Variants in NR5A1 observed in about 807,000 individuals in gnomAD.
The protein encoded by NR5A1 is nuclear receptor subfamily 5 group A member 1, also known as steroidogenic factor 1.
Under a neutral mutation model 42.7 loss-of-function variants are expected in NR5A1, and 6 were observed. The ratio of observed to expected loss-of-function variants is 0.14; its 90% CI spans 0.08 to 0.28. The LOEUF (loss-of-function observed/expected upper bound fraction) is 0.28, where lower values mean the gene tolerates loss of function less well. Ranked by LOEUF, NR5A1 falls within the 10% of genes least tolerant of loss-of-function variation. The pLI, the probability that NR5A1 is intolerant of heterozygous loss-of-function variation, is 1.00. For missense variants in NR5A1, 442 were observed against 626.4 expected, an observed-to-expected ratio of 0.71 and a Z score of 3.14; for synonymous variants, 274 against 277.5, an observed-to-expected ratio of 0.99 and a Z score of 0.12.
At chr9:124,502,112 A>G (rs1161468500) in intron 3 of NR5A1, among the ~76,000 whole-genome samples, 1 of 151,934 alleles carries the variant, frequency 6.6e-6, no homozygotes, top group Non-Finnish European at 1.5e-5. Context: ...AGACAAGCAG[A>G]TGGGCAGCTG....
In NR5A1 at chr9:124,500,474, G is replaced by A. The variant is rs368743340; in HGVS notation, c.486C>T (p.Gly162=). Reference sequence around the variant, plus strand: ...TGGGCAGTGCTGGGGCCCCAAAGTCGCCCAGTGGCCCAGCAGGTGGACCGG... The same window carrying A: ...TGGGCAGTGCTGGGGCCCCAAAGTCACCCAGTGGCCCAGCAGGTGGACCGG... ...LAAGPPAGPL[G]DFGAPALPMA... Residue 162 remains glycine (G), a synonymous_variant, in exon 4 of 7, where the codon GGC becomes GGT. Coordinates refer to ENST00000373588, the MANE Select transcript of NR5A1 (RefSeq NM_004959.5). The surrounding 1 kb of genome is among the most constrained non-coding windows in gnomAD (Gnocchi z 6.9). 1.2e-4 allele frequency: 185 copies of A among 1,597,160 alleles called. No homozygotes were observed. Among genetic ancestry groups the A allele is most frequent in the Middle Eastern group, 1.7e-4 (1 of 6,044 alleles).
chr9:124,491,618 A>G (rs1316208468), intron 5 of NR5A1, among the ~76,000 whole-genome samples: 3 of 151,994 alleles, frequency 2.0e-5, no homozygotes, highest in Admixed American at 1.3e-4. Flanking sequence ...ACACATCCAC[A>G]TGGCTTCCCA....
intron 1 of NR5A1, among the ~76,000 whole-genome samples, chr9:124,506,573 G>A (rs549678034): frequency 3.3e-5 from 5 of 152,302 alleles, no homozygotes; most frequent in African/African-American, 1.2e-4. Flanking sequence ...CCTGGAGCTG[G>A]ACACACAGGC....
At chr9:124,489,084 G>A (rs1832264763) in intron 6 of NR5A1, among the ~76,000 whole-genome samples, 1 of 152,380 alleles carries the variant, frequency 6.6e-6, no homozygotes, top group East Asian at 1.9e-4. Flanking sequence ...CCCAGAGAAG[G>A]AGAAGTCCTG....
In NR5A1 at chr9:124,503,542, CCCACCG is replaced by C. The variant is rs1387864468; in HGVS notation, c.-15-138_-15-133del. Reference sequence around the variant, plus strand: ...CTGTGCCCAGGCGCTGCCGCCGGCACCCACCGAGCGCCCCGCGCAGCGTCCCGGGGT... The same window carrying C: ...CTGTGCCCAGGCGCTGCCGCCGGCACAGCGCCCCGCGCAGCGTCCCGGGGT... On this transcript the variant is annotated intron_variant, in intron 1 of 6. Coordinates refer to ENST00000373588, the MANE Select transcript of NR5A1 (RefSeq NM_004959.5). This position sits in a 1 kb window ranked among gnomAD's most constrained non-coding sequence, Gnocchi z 9.6. The C allele has an allele frequency of 1.5e-6, 1 of 664,924 alleles. No individual in the cohort carries two copies. Among genetic ancestry groups the C allele is most frequent in the African/African-American group, 2.0e-5 (1 of 50,940 alleles). The allele number at this position is 664,924 out of a possible 1,614,324, so 41.2% of individuals were successfully genotyped here. A position where few individuals can be genotyped will look rare whatever the true frequency, so the allele number is the denominator to read the frequency against.
chr9:124,491,039 C>CCCCAGGGG, intron 6 of NR5A1, 42 bp downstream of exon 6: 2 of 1,496,958 alleles, frequency 1.3e-6, no homozygotes, highest in Non-Finnish European at 1.8e-6. Context: ...ACCCACCCGC[C>CCCCAGGGG]TCTGGCTGTC....
Position 124,482,632 on chromosome 9 carries a change from A to C in NR5A1, c.*126T>G. On this transcript the variant is annotated 3_prime_UTR_variant, in exon 7 of 7. Coordinates refer to ENST00000373588, the MANE Select transcript of NR5A1 (RefSeq NM_004959.5). ...GAACTCAGGGGCAGCGGCCTCTGGG[A>C]CGGGGCTGGGGCTCCTCGGTGGGCA... The C allele has an allele frequency of 8.9e-7, 1 of 1,129,856 alleles. No homozygotes were observed. The highest frequency in any genetic ancestry group is 1.3e-6 in the Non-Finnish European group (1 of 787,650). The allele number at this position is 1,129,856 out of a possible 1,614,324, so 70.0% of individuals were successfully genotyped here.
Position 124,500,744 on chromosome 9 carries a change from A to T in NR5A1, c.245-29T>A, listed in dbSNP as rs1049171634. On this transcript the variant is annotated intron_variant, in intron 3 of 6. Transcript: ENST00000373588. The surrounding 1 kb of genome is among the most constrained non-coding windows in gnomAD (Gnocchi z 6.9). ...TGGGCAGGGGCAGAGGGTCAGACTC[A>T]CCCTCTCTAAGCCCCCTTCCATGCT... 4.3e-6 allele frequency: 7 copies of T among 1,611,736 alleles called. No individual in the cohort carries two copies. Among genetic ancestry groups the T allele is most frequent in the Non-Finnish European group, 5.9e-6 (7 of 1,179,976 alleles).
intron 6 of NR5A1, among the ~76,000 whole-genome samples, chr9:124,490,300 G>A (rs368882477): frequency 3.3e-5 from 5 of 152,310 alleles, no homozygotes; most frequent in South Asian, 2.1e-4. Context: ...GTCTTTTCAC[G>A]ATTGGCAAGG....
chr9:124,483,070 C>A, intron 6 of NR5A1, 65 bp from the exon 7 acceptor site: 1 of 1,607,392 alleles, frequency 6.2e-7, no homozygotes. Flanking sequence ...TGGGCCAACA[C>A]CGTCACCAGC....
chr9:124,499,358 AG>A (rs1297146425), intron 4 of NR5A1, among the ~76,000 whole-genome samples: 3 of 152,314 alleles, frequency 2.0e-5, no homozygotes, highest in African/African-American at 7.2e-5. Flanking sequence ...CATGCCATAG[AG>A]GAAGGCTGCC....
chr9:124,482,702 G>GGCCCCCCCCCCCC lies in NR5A1; in HGVS notation c.*55_*56insGGGGGGGGGGGGC. 1 of 389,634 alleles carries GGCCCCCCCCCCCC rather than the reference G, an allele frequency of 2.6e-6. No individual in the cohort carries two copies. The highest frequency in any genetic ancestry group is 5.1e-6 in the Non-Finnish European group (1 of 196,960). 24.1% of individuals were successfully genotyped at this position (389,634 alleles called of 1,614,324 possible). The stretch of plus-strand genomic sequence containing the variant: ...GAGCCAGCGGTGTGGCTGCGGCCCC[G>GGCCCCCCCCCCCC]CCCAGGCCCCGCCCCCAGTCCCGCC... On this transcript the variant is annotated 3_prime_UTR_variant, in exon 7 of 7. Transcript: ENST00000373588.
intron 6 of NR5A1, among the ~76,000 whole-genome samples, chr9:124,486,407 A>G (rs1234526654): frequency 6.6e-6 from 1 of 152,118 alleles, no homozygotes; most frequent in Non-Finnish European, 1.5e-5. Context: ...CCCTCAAGAC[A>G]CACAAGGTGC....
Position 124,482,636 on chromosome 9 carries a change from G to T in NR5A1, c.*122C>A. The T allele has an allele frequency of 8.5e-7, 1 of 1,182,850 alleles. No individual in the cohort carries two copies. The highest frequency in any genetic ancestry group is 1.2e-6 in the Non-Finnish European group (1 of 832,596). 73.3% of individuals were successfully genotyped at this position (1,182,850 alleles called of 1,614,324 possible). A position where few individuals can be genotyped will look rare whatever the true frequency, so the allele number is the denominator to read the frequency against. On this transcript the variant is annotated 3_prime_UTR_variant, in exon 7 of 7. Transcript: ENST00000373588. ...TCAGGGGCAGCGGCCTCTGGGACGG[G>T]GCTGGGGCTCCTCGGTGGGCATCAG...
intron 1 of NR5A1, among the ~76,000 whole-genome samples, chr9:124,505,636 C>T (rs1366412591): frequency 6.6e-6 from 1 of 152,170 alleles, no homozygotes; most frequent in Non-Finnish European, 1.5e-5. Context: ...CCTCAGGTCG[C>T]TGGGCTGGAA....
intron 6 of NR5A1, among the ~76,000 whole-genome samples, chr9:124,485,939 G>T (rs529037179): frequency 6.6e-6 from 1 of 152,136 alleles, no homozygotes. Context: ...ACCAGCTCAA[G>T]GCCACACATC....
chr9:124,500,911 T>A lies in NR5A1; in HGVS notation c.245-196A>T. The A allele has an allele frequency of 1.2e-6, 1 of 821,282 alleles. No homozygotes were observed. The highest frequency in any genetic ancestry group is 1.5e-5 in the South Asian group (1 of 68,866). The allele number at this position is 821,282 out of a possible 1,614,324, so 50.9% of individuals were successfully genotyped here. ...CCTGCTCAGCTTTTCAGGCAATCCC[T>A]GCTAAGACCCCTCTCCTTCCACTCC... is the stretch of plus-strand genomic sequence containing the variant. On this transcript the variant is annotated intron_variant, in intron 3 of 6. Transcript: ENST00000373588. The surrounding 1 kb of genome is among the most constrained non-coding windows in gnomAD (Gnocchi z 6.9).
chr9:124,503,434 G>C lies in NR5A1; in HGVS notation c.-15-24C>G. 1 of 1,568,916 alleles carries C rather than the reference G, an allele frequency of 6.4e-7. No homozygotes were observed. The highest frequency in any genetic ancestry group is 2.1e-4 in the Middle Eastern group (1 of 4,800). On this transcript the variant is annotated intron_variant, in intron 1 of 6. Transcript: ENST00000373588. The surrounding 1 kb of genome is among the most constrained non-coding windows in gnomAD (Gnocchi z 9.6). The stretch of plus-strand genomic sequence containing the variant: ...GCCTGCGGAGGGACAGCGGGTCAGG[G>C]AGGGCCGGCGGAGACCGGCAGCCTG...
chr9:124,491,021 A>ACCCCCCC, intron 6 of NR5A1, 60 bp downstream of exon 6: 9 of 237,392 alleles, frequency 3.8e-5, no homozygotes, highest in South Asian at 2.3e-4. Context: ...AGCCTCACCC[A>ACCCCCCC]CCCTCCCACC....
Sources: allele counts gnomAD v4.1 joint callset (sites outside exome capture counted in the v4.1 genomes callset), GRCh38; gene constraint gnomAD v4.1.1; non-coding constraint Gnocchi (gnomAD v3.1); transcripts MANE v1.5; gene names NCBI Gene and HGNC (gene_info 2026-07-23, HGNC 2026-07-21).